ATP1B3: variants seen among roughly 807,000 people sequenced by gnomAD.
ATP1B3 encodes the protein sodium/potassium-transporting ATPase subunit beta-3.
In ATP1B3, 10 loss-of-function variants were observed where a neutral mutation model predicts 30.2. The observed-to-expected ratio is 0.33, with a 90% CI of 0.20 to 0.56. The LOEUF is 0.56. Among genes scored for constraint, ATP1B3 ranks in the 20% least tolerant of loss-of-function variants. The pLI, the probability that ATP1B3 is intolerant of heterozygous loss-of-function variation, is 0.90. For synonymous variants in ATP1B3, 113 were observed against 117.0 expected (o/e 0.97, Z 0.22); for missense variants, 238 against 336.7 (o/e 0.71, Z 2.29).
chr3:141,907,627 G>A (rs941260997), intron 3 of ATP1B3, among the ~76,000 whole-genome samples: 4 of 151,658 alleles, frequency 2.6e-5, no homozygotes, highest in African/African-American at 7.3e-5. Context: ...GGCAACAAGA[G>A]CGAAACTCCG....
intron 5 of ATP1B3, among the ~76,000 whole-genome samples, chr3:141,917,776 T>A (rs34071952): frequency 0.094 from 14,158 of 151,418 alleles, 806 homozygotes; most frequent in East Asian, 0.16. Flanking sequence ...ATTTTATTTT[T>A]TTTTTTTTGG....
chr3:141,893,277 A>G (rs113933018), intron 1 of ATP1B3, among the ~76,000 whole-genome samples: 16,353 of 152,106 alleles, frequency 0.11, 1,070 homozygotes, highest in Middle Eastern at 0.16. Context: ...CTAAAGTGCT[A>G]AGATTACAGA....
intron 1 of ATP1B3, among the ~76,000 whole-genome samples, chr3:141,898,280 T>G (rs1038689009): frequency 6.6e-6 from 1 of 152,176 alleles, no homozygotes; most frequent in Non-Finnish European, 1.5e-5. Flanking sequence ...ATTAATAACT[T>G]TTTTGCTTAA....
chr3:141,910,619 C>T (rs1934341508), intron 3 of ATP1B3, among the ~76,000 whole-genome samples: 1 of 151,910 alleles, frequency 6.6e-6, no homozygotes, highest in Admixed American at 6.6e-5. Flanking sequence ...GAGGTATTTT[C>T]TTGAGTCTCT....
chr3:141,904,703 C>CT (rs35178202), intron 2 of ATP1B3, among the ~76,000 whole-genome samples: 12,893 of 89,060 alleles, frequency 0.14, 1,409 homozygotes, highest in East Asian at 0.38. Flanking sequence ...TTTAAACAGT[C>CT]TTTTTTTTTT....
intron 5 of ATP1B3, chr3:141,921,450 T>C (rs1316225170): frequency 1.3e-5 from 2 of 152,220 alleles, no homozygotes; most frequent in East Asian, 3.8e-4. Context: ...CCTTAAATTT[T>C]CCTTCATGCT....
intron 1 of ATP1B3, among the ~76,000 whole-genome samples, chr3:141,890,935 T>C (rs1378639745): frequency 6.6e-6 from 1 of 152,250 alleles, no homozygotes; most frequent in African/African-American, 2.4e-5. Flanking sequence ...GCCTTTGTTA[T>C]ACTTGTAAAT....
chr3:141,900,325 C>A (rs544945415), intron 1 of ATP1B3, among the ~76,000 whole-genome samples: 2 of 152,056 alleles, frequency 1.3e-5, no homozygotes, highest in African/African-American at 2.4e-5. Context: ...TAATGAAACC[C>A]CAGTAAAAAC....
rs753632009 is a variant in ATP1B3, at chr3:141,913,732, G to T, written c.427G>T (p.Ala143Ser). 3.2e-5 allele frequency: 51 copies of T among 1,613,810 alleles called. 1 individual carries two copies. In the South Asian group the frequency reaches 5.3e-4, roughly 17 times the overall value. ...LFEQKGPVYV[A>S]CQFPISLLQA... Reference sequence around the variant, plus strand: ...TGAACAGAAGGGTCCAGTTTATGTTGCATGTCAGTTTCCTATTTCATTACT... The same window carrying T: ...TGAACAGAAGGGTCCAGTTTATGTTTCATGTCAGTTTCCTATTTCATTACT... Residue 143 changes from alanine to serine, a missense_variant, in exon 4 of 7, where the codon GCA becomes TCA. By Grantham distance (99) the Ala-to-Ser change is moderately conservative (BLOSUM62 1). Around this residue, in one of 3 missense-constraint regions of ATP1B3, gnomAD observed 58 missense variants for 125.6 expected, o/e 0.46. Transcript: ENST00000286371.
At chr3:141,912,081 T>C (rs1934372545) in intron 3 of ATP1B3, among the ~76,000 whole-genome samples, 1 of 152,194 alleles carries the variant, frequency 6.6e-6, no homozygotes, top group Non-Finnish European at 1.5e-5. Context: ...TGTTTTGTTA[T>C]AAAGTTTATC....
At chr3:141,909,920 G>A (rs1219458743) in intron 3 of ATP1B3, among the ~76,000 whole-genome samples, 1 of 152,190 alleles carries the variant, frequency 6.6e-6, no homozygotes, top group Non-Finnish European at 1.5e-5. Flanking sequence ...GGCTTGGCAA[G>A]GGAGAGAGCA....
Position 141,889,795 on chromosome 3 carries a change from A to G in ATP1B3, c.109+12885A>G, listed in dbSNP as rs536936046. On this transcript the variant is annotated intron_variant, in intron 1 of 6. Coordinates refer to ENST00000286371, the MANE Select transcript of ATP1B3 (RefSeq NM_001679.4). ...CACACACACACACACACACACACAC[A>G]CGTATATCTACATATATGTGTGTAT... is the stretch of plus-strand genomic sequence containing the variant. Among the ~76,000 whole-genome samples the G allele has an allele frequency of 5.2e-5, 7 of 133,760 alleles. No individual in the cohort carries two copies. In the South Asian group the frequency reaches 1.7e-3, roughly 33 times the overall value. 87.8% of individuals were successfully genotyped at this position (133,760 alleles called of 152,430 possible).
intron 5 of ATP1B3, among the ~76,000 whole-genome samples, chr3:141,917,418 G>C (rs184689633): frequency 1.4e-4 from 21 of 152,116 alleles, no homozygotes; most frequent in Non-Finnish European, 2.2e-4. Flanking sequence ...AGAGTCAGCT[G>C]GGTGCAGTGG....
At chr3:141,879,471 T>G (rs1374434267) in intron 1 of ATP1B3, among the ~76,000 whole-genome samples, 4 of 152,094 alleles carry the variant, frequency 2.6e-5, no homozygotes, top group African/African-American at 7.2e-5. Context: ...TTATCTCTTT[T>G]AAAACCTTAC....
chr3:141,922,176 C>A, intron 6 of ATP1B3, 113 bp downstream of exon 6: 1 of 608,566 alleles, frequency 1.6e-6, no homozygotes, highest in Non-Finnish European at 2.9e-6. Context: ...ATTTGTGCGT[C>A]ATCTATTCAG....
intron 6 of ATP1B3, among the ~76,000 whole-genome samples, chr3:141,924,901 C>T (rs1324159219): frequency 1.3e-5 from 2 of 151,850 alleles, no homozygotes; most frequent in African/African-American, 2.4e-5. Context: ...TGCAGTGAGC[C>T]GGGATCGTGC....
rs1222135653 is a variant in ATP1B3, at chr3:141,912,214, A to G, written c.347-1438A>G. ...ATTTTGACAGTGATTTTTTTCCCCC[A>G]AGGTAAAGACTTTACACTTCCTTTT... On this transcript the variant is annotated intron_variant, in intron 3 of 6. Coordinates refer to ENST00000286371, the MANE Select transcript of ATP1B3 (RefSeq NM_001679.4). 2.0e-5 allele frequency among the ~76,000 whole-genome samples: 3 copies of G among 152,110 alleles called. No homozygotes were observed. The East Asian group carries it at 5.8e-4, about 29-fold the overall frequency.
chr3:141,902,311 G>T, intron 1 of ATP1B3: 1 of 1,009,614 alleles, frequency 9.9e-7, no homozygotes, highest in South Asian at 1.3e-5. Context: ...TGAAAAAGGG[G>T]GTTGGGGGTG....
At chr3:141,915,562 A>G (rs967282266) in intron 4 of ATP1B3, among the ~76,000 whole-genome samples, 7 of 152,122 alleles carry the variant, frequency 4.6e-5, no homozygotes, top group African/African-American at 1.2e-4. Context: ...AAACACGGAG[A>G]GTGTGACCTG....
Sources: gnomAD v4.1 joint callset for allele counts (sites outside exome capture counted in the v4.1 genomes callset) on GRCh38, gnomAD v4.1.1 for gene constraint, gnomAD v4.1.1 regional missense constraint, MANE v1.5 for transcripts, NCBI Gene and HGNC (gene_info 2026-07-23, HGNC 2026-07-21) for gene names.